TLE6: variants seen among roughly 807,000 people sequenced by gnomAD.
TLE6 encodes TLE family member 6, subcortical maternal complex member, also known as transducin-like enhancer protein 6.
A neutral mutation model predicts 77.1 loss-of-function variants in TLE6; 72 were observed. That is an observed-to-expected ratio of 0.93 (90% CI 0.77 to 1.14). The LOEUF (loss-of-function observed/expected upper bound fraction) is 1.14. Ranked by LOEUF, TLE6 falls within the 50% of genes most tolerant of loss-of-function variation. The pLI is 0.00. For missense variants in TLE6, 843 were observed against 747.6 expected, an observed-to-expected ratio of 1.13 and a Z score of -1.49; for synonymous variants, 366 against 287.3, an observed-to-expected ratio of 1.27 and a Z score of -2.77.
At chr19:2,980,055 T>C (rs1009679091) in intron 2 of TLE6, 45 bp from the exon 3 acceptor site, 10 of 1,492,512 alleles carry the variant, frequency 6.7e-6, no homozygotes, top group Non-Finnish European at 8.2e-6. Context: ...GTCTTGGGTG[T>C]TGGAGCATTG....
intron 13 of TLE6, among the ~76,000 whole-genome samples, chr19:2,990,682 TAAATATATACATAAATATATAC>T (rs2089029539): frequency 6.9e-6 from 1 of 144,802 alleles, no homozygotes; most frequent in African/African-American, 2.6e-5. Flanking sequence ...AATATATACA[TAAATATATACATAAATATATAC>T]ATATATAAAA....
In TLE6 at chr19:2,986,071, C is replaced by CAA. The variant is rs547031586; in HGVS notation, c.223-720_223-719dup. On this transcript the variant is annotated intron_variant, in intron 5 of 16. Transcript: ENST00000246112. ...CCTGGGCCACAGCGTGAGACTGTCTCAAAAAAAAAAAAAAAAAAAAAAAAA... is the reference window on the plus strand; with the variant it reads ...CCTGGGCCACAGCGTGAGACTGTCTCAAAAAAAAAAAAAAAAAAAAAAAAAAA... 1.8e-3 allele frequency among the ~76,000 whole-genome samples: 75 copies of CAA among 41,274 alleles called. 13 individuals carry two copies. Among genetic ancestry groups the CAA allele is most frequent in the Middle Eastern group, 0.059 (2 of 34 alleles). The allele number at this position is 41,274 out of a possible 152,430, so 27.1% of individuals were successfully genotyped here.
chr19:2,981,212 T>A lies in TLE6; in HGVS notation c.135-326T>A, dbSNP rs1402957621. On this transcript the variant is annotated intron_variant, in intron 3 of 16. Transcript: ENST00000246112. ...TGTTTCTATTAAAAATACAAAAAAA[T>A]AGCTGGGTGTGGTGGCAGGTGTCTG... 4.0e-5 allele frequency among the ~76,000 whole-genome samples: 6 copies of A among 151,246 alleles called. No individual in the cohort carries two copies. In the South Asian group the frequency reaches 6.3e-4, roughly 16 times the overall value.
At chr19:2,990,979 AGT>A (rs1168778048) in intron 13 of TLE6, among the ~76,000 whole-genome samples, 1 of 151,502 alleles carries the variant, frequency 6.6e-6, no homozygotes, top group Non-Finnish European at 1.5e-5. Context: ...TGGGTCACAG[AGT>A]GAGACTCTGA....
intron 13 of TLE6, 24 bp downstream of exon 13, chr19:2,989,809 G>A (rs2089004399): frequency 6.2e-7 from 1 of 1,611,354 alleles, no homozygotes; most frequent in Non-Finnish European, 8.5e-7. Flanking sequence ...GTGGGAAGGG[G>A]AAGCATCCTG....
In TLE6 at chr19:2,982,171, G is replaced by C; in HGVS notation, c.204G>C (p.Val68=). ...AGCTGCACAAGATCCAGCAGGATGT[G>C]GCAGAACATCACAAGCAGGTGGGTG... The part of the protein sequence containing the change: ...YYSLHKIQQD[V]AEHHKQIGNV... Residue 68 remains valine (V), a synonymous_variant, in exon 5 of 17, where the codon GTG becomes GTC. Transcript: ENST00000246112. 6.4e-7 allele frequency: 1 copy of C among 1,551,464 alleles called. No individual in the cohort carries two copies. The highest frequency in any genetic ancestry group is 8.7e-7 in the Non-Finnish European group (1 of 1,146,954).
Position 2,989,121 on chromosome 19 carries a change from G to A in TLE6, c.801G>A (p.Gln267=). The A allele has an allele frequency of 6.2e-7, 1 of 1,614,120 alleles. No individual in the cohort carries two copies. Among genetic ancestry groups the A allele is most frequent in the Non-Finnish European group, 8.5e-7 (1 of 1,180,044 alleles). ...AWKRPDALPG[Q]SKRLAVPCKL... ...AGAGGCCAGATGCCTTGCCCGGGCA[G>A]TCAAAGAGACTCGCCGTCCCGTGCA... Residue 267 remains glutamine, a synonymous_variant, in exon 12 of 17, where the codon CAG becomes CAA. Transcript: ENST00000246112.
chr19:2,992,077 T>A, intron 14 of TLE6, 93 bp downstream of exon 14: 2 of 1,498,036 alleles, frequency 1.3e-6, no homozygotes, highest in African/African-American at 1.4e-5. Flanking sequence ...GGCTCACGCC[T>A]ATAATCCTAG....
chr19:2,980,780 G>A (rs2088782457), intron 3 of TLE6, among the ~76,000 whole-genome samples: 1 of 151,424 alleles, frequency 6.6e-6, no homozygotes, highest in East Asian at 1.9e-4. Context: ...GCTGGGTGCA[G>A]TGGCTTGCAC....
At position 2,981,649 on chromosome 19, in the gene TLE6, C is replaced by A; in HGVS notation, c.180+66C>A. On this transcript the variant is annotated intron_variant, in intron 4 of 16. Coordinates refer to ENST00000246112, the MANE Select transcript of TLE6 (RefSeq NM_001143986.2). ...CTGGGACAAGCTGAGGCCCTGGTTTCCCGGCCCTGCCTCCTGAGTGCCCTA... is the reference window on the plus strand; with the variant it reads ...CTGGGACAAGCTGAGGCCCTGGTTTACCGGCCCTGCCTCCTGAGTGCCCTA... The A allele has an allele frequency of 2.0e-6, 3 of 1,500,022 alleles. No individual in the cohort carries two copies. In the South Asian group the frequency reaches 3.6e-5, roughly 18 times the overall value. 92.9% of individuals were successfully genotyped at this position (1,500,022 alleles called of 1,614,324 possible). A position where few individuals can be genotyped will look rare whatever the true frequency, so the allele number is the denominator to read the frequency against.
At chr19:2,983,367 G>T (rs1312150542) in intron 5 of TLE6, among the ~76,000 whole-genome samples, 1 of 152,138 alleles carries the variant, frequency 6.6e-6, no homozygotes, top group Non-Finnish European at 1.5e-5. Flanking sequence ...ATGGAAGAGA[G>T]CAGCCCCAAG....
intron 13 of TLE6, among the ~76,000 whole-genome samples, chr19:2,991,354 A>T (rs2089051572): frequency 7.5e-6 from 1 of 133,944 alleles, no homozygotes; most frequent in Admixed American, 8.0e-5. Flanking sequence ...ACGAGACTCC[A>T]TTTCAAAAAA....
intron 5 of TLE6, 63 bp downstream of exon 5, chr19:2,982,252 G>C (rs1182027375): frequency 5.9e-6 from 9 of 1,529,530 alleles, no homozygotes; most frequent in African/African-American, 1.4e-5. Context: ...AAAGCACAGA[G>C]GGGGGCCGGG....
At chr19:2,978,057 G>A in intron 1 of TLE6, 141 bp from the exon 2 acceptor site, 2 of 628,414 alleles carry the variant, frequency 3.2e-6, no homozygotes, top group South Asian at 3.8e-5. Context: ...CAGGACCTAG[G>A]GAACGCATGG....
chr19:2,989,639 G>A lies in TLE6; in HGVS notation c.1098G>A (p.Ala366=), dbSNP rs77968340. 1,041 of 1,614,154 alleles carry A rather than the reference G, an allele frequency of 6.4e-4. 9 individuals carry two copies. In the African/African-American group the frequency reaches 8.5e-3, roughly 13 times the overall value. Residue 366 remains alanine (A), a synonymous_variant, in exon 13 of 17, where the codon GCG becomes GCA. Coordinates refer to ENST00000246112, the MANE Select transcript of TLE6 (RefSeq NM_001143986.2). ...GCGTGAGCGTGTGGGACCTGGCGGCGCCCTCCCTGCATGTGAAGGAGCAGT... is the reference window on the plus strand; with the variant it reads ...GCGTGAGCGTGTGGGACCTGGCGGCACCCTCCCTGCATGTGAAGGAGCAGT... ...LASVSVWDLA[A]PSLHVKEQLP... is the part of the protein sequence containing the mutation.
At chr19:2,987,448 C>T (rs1036354876) in intron 8 of TLE6, 76 bp downstream of exon 8, 34 of 1,590,528 alleles carry the variant, frequency 2.1e-5, no homozygotes, top group Non-Finnish European at 2.9e-5. Context: ...GGTCAGGGCA[C>T]TGGGGTTCCT....
chr19:2,993,227 C>G (rs542570554), intron 14 of TLE6, among the ~76,000 whole-genome samples: 1 of 152,086 alleles, frequency 6.6e-6, no homozygotes, highest in South Asian at 2.1e-4. Context: ...AACACTCATG[C>G]TGTATCAGGT....
In TLE6 at chr19:2,987,195, T is replaced by G. The variant is rs1345068577; in HGVS notation, c.498T>G (p.Ile166Met). The change falls in exon 7 of 17, where the codon ATT (isoleucine) becomes ATG (methionine). Residue 166 changes from isoleucine (I) to methionine (M), a missense_variant. Ile to Met is a conservative substitution (Grantham distance 10). Transcript: ENST00000246112. ...HDTLTEQLWR[I>M]FAGVHDEKAK... ...CTCTGACCGAGCAACTCTGGCGGAT[T>G]TTTGCCGGCGTCCACGATGAGAAGG... 1 of 1,614,038 alleles carries G rather than the reference T, an allele frequency of 6.2e-7. No homozygotes were observed. Among genetic ancestry groups the G allele is most frequent in the South Asian group, 1.1e-5 (1 of 91,068 alleles).
chr19:2,981,675 G>T, intron 4 of TLE6, 92 bp downstream of exon 4: 1 of 1,373,516 alleles, frequency 7.3e-7, no homozygotes. Flanking sequence ...GAGTGCCCTA[G>T]AGAGGTTCTT....
Sources: allele counts gnomAD v4.1 joint callset (sites outside exome capture counted in the v4.1 genomes callset), GRCh38; gene constraint gnomAD v4.1.1; transcripts MANE v1.5; gene names NCBI Gene and HGNC (gene_info 2026-07-23, HGNC 2026-07-21).